KCNN2: variants seen among roughly 807,000 people sequenced by gnomAD.
The protein encoded by KCNN2 is potassium calcium-activated channel subfamily N member 2.
Under a neutral mutation model 55.5 loss-of-function variants are expected in KCNN2, and 24 were observed. The observed-to-expected ratio is 0.43, with a 90% CI of 0.31 to 0.61. KCNN2 has a LOEUF of 0.61. Among genes scored for constraint, KCNN2 ranks in the 20% least tolerant of loss-of-function variants. The probability of loss-of-function intolerance (pLI) is 0.08; values close to 1 mark genes in which losing one functional copy is unlikely to be tolerated. For synonymous variants in KCNN2, 431 were observed against 336.1 expected (o/e 1.28, Z -3.09); for missense variants, 754 against 853.6 (o/e 0.88, Z 1.45).
At chr5:114,462,981 C>T in intron 3 of KCNN2, 68 bp from the exon 4 acceptor site, 1 of 1,465,934 alleles carries the variant, frequency 6.8e-7, no homozygotes, top group Non-Finnish European at 9.3e-7. Context: ...TTGAATTGAA[C>T]CAAACCACAC....
intron 1 of KCNN2, among the ~76,000 whole-genome samples, chr5:114,084,473 G>A (rs1580496808): frequency 6.6e-6 from 1 of 151,942 alleles, no homozygotes; most frequent in East Asian, 1.9e-4. Context: ...AACTTCTTTG[G>A]TGAGGTATCT....
At chr5:114,130,741 A>G (rs1192808595) in intron 1 of KCNN2, among the ~76,000 whole-genome samples, 1 of 152,172 alleles carries the variant, frequency 6.6e-6, no homozygotes, top group Non-Finnish European at 1.5e-5. Context: ...ATGTCCCAAC[A>G]CTAATATAAT....
At chr5:114,080,597 A>T (rs555681078) in intron 1 of KCNN2, among the ~76,000 whole-genome samples, 10 of 144,476 alleles carry the variant, frequency 6.9e-5, no homozygotes, top group Non-Finnish European at 1.3e-4. Flanking sequence ...TGATCATCTC[A>T]ATTGATTTAG....
At chr5:114,283,594 CCTTATAGT>C (rs763974357) in intron 2 of KCNN2, among the ~76,000 whole-genome samples, 45 of 152,076 alleles carry the variant, frequency 3.0e-4, no homozygotes, top group Admixed American at 1.2e-3. Context: ...CTCTTATTGT[CCTTATAGT>C]CTTTCGTTGT....
At chr5:114,177,963 G>A (rs1008550612) in intron 1 of KCNN2, among the ~76,000 whole-genome samples, 11 of 152,066 alleles carry the variant, frequency 7.2e-5, no homozygotes, top group African/African-American at 2.4e-4. Context: ...CCTGTGTTAC[G>A]CCTGTCTTAA....
chr5:114,229,087 A>AT (rs1754303711), intron 2 of KCNN2, among the ~76,000 whole-genome samples: 1 of 151,938 alleles, frequency 6.6e-6, no homozygotes, highest in Non-Finnish European at 1.5e-5. Flanking sequence ...AAGCTATAAA[A>AT]TTTATGATTG....
intron 2 of KCNN2, among the ~76,000 whole-genome samples, chr5:114,287,654 G>A (rs998806426): frequency 2.6e-5 from 4 of 151,760 alleles, no homozygotes; most frequent in Non-Finnish European, 5.9e-5. Context: ...TGCATGTGGG[G>A]CTTAAAACCT....
intron 3 of KCNN2, among the ~76,000 whole-genome samples, chr5:114,453,027 C>T (rs568998645): frequency 2.0e-5 from 3 of 152,278 alleles, no homozygotes; most frequent in South Asian, 2.1e-4. Context: ...CTGGTGGACA[C>T]GGCAATATCA....
chr5:114,139,932 T>TAAAGA (rs1752242576), intron 1 of KCNN2, among the ~76,000 whole-genome samples: 1 of 152,012 alleles, frequency 6.6e-6, no homozygotes, highest in African/African-American at 2.4e-5. Context: ...CAAAATAACA[T>TAAAGA]ATTTAAACAG....
Position 114,065,392 on chromosome 5 carries a change from C to T in KCNN2, c.-271+8892C>T, listed in dbSNP as rs111550244. Among the ~76,000 whole-genome samples, 645 of 152,310 alleles carry T rather than the reference C, an allele frequency of 4.2e-3. 9 individuals carry two copies. Among genetic ancestry groups the T allele is most frequent in the African/African-American group, 0.015 (615 of 41,562 alleles). The stretch of plus-strand genomic sequence containing the variant: ...AAAAGTGGAAGGGCACCTATGTGTA[C>T]ATGAGGTGCTTACCAAGAGACACAG... On this transcript the variant is annotated intron_variant, in intron 1 of 10. Transcript: ENST00000512097.
chr5:114,289,624 G>A (rs907059690), intron 2 of KCNN2, among the ~76,000 whole-genome samples: 1 of 152,028 alleles, frequency 6.6e-6, no homozygotes, highest in Non-Finnish European at 1.5e-5. Context: ...TGATCTGCCC[G>A]CCTTGGCCTT....
chr5:114,424,380 T>C (rs1312655548), intron 3 of KCNN2, among the ~76,000 whole-genome samples: 3 of 152,084 alleles, frequency 2.0e-5, no homozygotes, highest in Non-Finnish European at 4.4e-5. Context: ...CAGAAGAGGA[T>C]CAAAACGAAA....
chr5:114,134,422 C>G (rs1305351399), intron 1 of KCNN2, among the ~76,000 whole-genome samples: 1 of 151,084 alleles, frequency 6.6e-6, no homozygotes, highest in Admixed American at 6.6e-5. Context: ...ATTTAAGAAC[C>G]TATTTTGCAA....
At chr5:114,077,357 G>C (rs1344454385) in intron 1 of KCNN2, among the ~76,000 whole-genome samples, 1 of 152,240 alleles carries the variant, frequency 6.6e-6, no homozygotes, top group Non-Finnish European at 1.5e-5. Flanking sequence ...ACCACATGTG[G>C]AAGTGTGGGT....
chr5:114,425,506 A>T (rs929556918), intron 3 of KCNN2, among the ~76,000 whole-genome samples: 2 of 152,092 alleles, frequency 1.3e-5, no homozygotes, highest in Non-Finnish European at 2.9e-5. Context: ...ACACATCCTC[A>T]ATAACCTTGC....
At chr5:114,162,500 G>T (rs1308556704) in intron 1 of KCNN2, among the ~76,000 whole-genome samples, 1 of 152,210 alleles carries the variant, frequency 6.6e-6, no homozygotes, top group East Asian at 1.9e-4. Context: ...CAGGCTGTGT[G>T]CTGGGAGAAC....
chr5:114,106,643 G>GTTTT (rs149036166), intron 1 of KCNN2, among the ~76,000 whole-genome samples: 5,044 of 69,218 alleles, frequency 0.073, 95 homozygotes, highest in African/African-American at 0.098. Context: ...TTTTCCAGTT[G>GTTTT]TTTTTTTTTT....
intron 2 of KCNN2, among the ~76,000 whole-genome samples, chr5:114,395,500 A>G (rs555707007): frequency 6.6e-6 from 1 of 152,306 alleles, no homozygotes; most frequent in Non-Finnish European, 1.5e-5. Context: ...GAAAATGAAT[A>G]TAGAAGAACT....
intron 2 of KCNN2, among the ~76,000 whole-genome samples, chr5:114,328,597 G>C (rs1170799679): frequency 6.6e-6 from 1 of 152,150 alleles, no homozygotes; most frequent in Non-Finnish European, 1.5e-5. Flanking sequence ...TTGAGTGACG[G>C]TTGTTTATAG....
Sources: gnomAD v4.1 joint callset for allele counts (sites outside exome capture counted in the v4.1 genomes callset) on GRCh38, gnomAD v4.1.1 for gene constraint, MANE v1.5 for transcripts, NCBI Gene and HGNC (gene_info 2026-07-23, HGNC 2026-07-21) for gene names.